PPP1R26: variants seen among roughly 807,000 people sequenced by gnomAD.
The protein encoded by PPP1R26 is protein phosphatase 1 regulatory subunit 26, also known as 1A6/DRIM (down-regulated in metastasis) interacting protein.
PPP1R26 carries 22 observed loss-of-function variants against 67.6 expected under a neutral mutation model. The ratio of observed to expected loss-of-function variants is 0.33; its 90% confidence interval spans 0.23 to 0.46. PPP1R26 has a LOEUF of 0.46. PPP1R26 is among the 20% of genes least tolerant of loss of function. PPP1R26 has a pLI of 1.00. For missense variants in PPP1R26, 1,602 were observed against 1,651.4 expected, an observed-to-expected ratio of 0.97 and a Z score of 0.52; for synonymous variants, 729 against 717.2, an observed-to-expected ratio of 1.02 and a Z score of -0.26.
Position 135,487,907 on chromosome 9 carries a change from C to G in PPP1R26, c.3397C>G (p.Pro1133Ala), listed in dbSNP as rs374355502. The G allele has an allele frequency of 1.3e-6, 2 of 1,575,298 alleles. No individual in the cohort carries two copies. The highest frequency in any genetic ancestry group is 3.7e-5 in the Admixed American group (2 of 54,074). ...QAGPSPVFGS[P>A]HLLAKKDGGP... is the part of the protein sequence containing the mutation. ...CGGACCCAGCCCTGTCTTTGGAAGC[C>G]CACACTTGCTGGCAAAGAAGGACGG... is the stretch of plus-strand genomic sequence containing the variant. Residue 1133 changes from proline (P) to alanine (A), a missense_variant, in exon 4 of 4, where the codon CCA becomes GCA. Around this residue, in one of 5 missense-constraint regions of PPP1R26, gnomAD observed 740 missense variants for 696.3 expected, o/e 1.06. Transcript: ENST00000356818.
intron 1 of PPP1R26, among the ~76,000 whole-genome samples, chr9:135,481,894 C>T (rs992660733): frequency 6.6e-6 from 1 of 152,272 alleles, no homozygotes; most frequent in Admixed American, 6.5e-5. Context: ...GCTGGGATTA[C>T]AGGCGTCAGC....
Position 135,486,496 on chromosome 9 carries a change from A to G in PPP1R26, c.1986A>G (p.Ser662=). The G allele has an allele frequency of 6.2e-7, 1 of 1,612,932 alleles. No homozygotes were observed. The highest frequency in any genetic ancestry group is 1.1e-5 in the South Asian group (1 of 91,038). Residue 662 remains serine (S), a synonymous_variant, in exon 4 of 4, where the codon TCA becomes TCG. Coordinates refer to ENST00000356818, the MANE Select transcript of PPP1R26 (RefSeq NM_014811.5). The surrounding 1 kb of genome is among the most constrained non-coding windows in gnomAD (Gnocchi z 6.2). Reference sequence around the variant, plus strand: ...GGGGCCCTGGCGACACTCGCATGTCACAGGGCCAGGGTAAGACAGACGAGG... The same window carrying G: ...GGGGCCCTGGCGACACTCGCATGTCGCAGGGCCAGGGTAAGACAGACGAGG... ...TARGPGDTRM[S]QGQGKTDEAR...
Position 135,485,943 on chromosome 9 carries a change from C to T in PPP1R26, c.1433C>T (p.Ser478Phe), listed in dbSNP as rs535176662. 1.2e-6 allele frequency: 2 copies of T among 1,613,488 alleles called. No homozygotes were observed. The highest frequency in any genetic ancestry group is 1.7e-5 in the Admixed American group (1 of 60,028). Residue 478 changes from serine (S) to phenylalanine (F), a missense_variant, in exon 4 of 4, where the codon TCT becomes TTT. This residue lies in a region of PPP1R26 where 680 missense variants were observed against 726.1 expected (regional missense o/e 0.94). Transcript: ENST00000356818. The surrounding 1 kb of genome is among the most constrained non-coding windows in gnomAD (Gnocchi z 7.2). ...CGGTCCTCGTGCCGGGCGGACACAT[C>T]TGCTGAGCTGATGTGTGCAGAAGCA... Reference protein sequence around the residue: ...VERSSCRADTSAELMCAEAIL... With the variant: ...VERSSCRADTFAELMCAEAIL...
chr9:135,484,852 A>T lies in PPP1R26; in HGVS notation c.342A>T (p.Thr114=), dbSNP rs1284375685. The change falls in exon 4 of 4, where the codon ACA becomes ACT. Residue 114 remains threonine (T), a synonymous_variant. Coordinates refer to ENST00000356818, the MANE Select transcript of PPP1R26 (RefSeq NM_014811.5). ...ACCCCATGGGGGAGGAGGAAACTACAGACTTTGGCCCGTTGGTGCTAGATT... is the reference window on the plus strand; with the variant it reads ...ACCCCATGGGGGAGGAGGAAACTACTGACTTTGGCCCGTTGGTGCTAGATT... ...DFDPMGEEET[T]DFGPLVLDSD... 2 of 1,609,578 alleles carry T rather than the reference A, an allele frequency of 1.2e-6. No homozygotes were observed.
rs969618175 is a variant in PPP1R26, at chr9:135,484,681, C to T, written c.171C>T (p.Asp57=). 2.5e-6 allele frequency: 4 copies of T among 1,609,870 alleles called. No individual in the cohort carries two copies. Among genetic ancestry groups the T allele is most frequent in the East Asian group, 2.2e-5 (1 of 44,860 alleles). The part of the protein sequence containing the change: ...VQMLISTLQR[D]GAARGTSDER... ...TGCTTATCAGCACTCTGCAGCGCGA[C>T]GGGGCTGCTCGGGGCACCAGCGATG... is the stretch of plus-strand genomic sequence containing the variant. The change falls in exon 4 of 4, where the codon GAC becomes GAT. Residue 57 remains aspartate, a synonymous_variant. Transcript: ENST00000356818.
chr9:135,487,676 G>A lies in PPP1R26; in HGVS notation c.3166G>A (p.Gly1056Arg), dbSNP rs201344514. 247 of 1,457,410 alleles carry A rather than the reference G, an allele frequency of 1.7e-4. 2 individuals carry two copies. The South Asian group carries it at 3.2e-3, about 19-fold the overall frequency. The allele number at this position is 1,457,410 out of a possible 1,614,324, so 90.3% of individuals were successfully genotyped here. The change falls in exon 4 of 4, where the codon GGG becomes AGG. Residue 1056 changes from glycine to arginine, a missense_variant. Around this residue, in one of 5 missense-constraint regions of PPP1R26, gnomAD observed 740 missense variants for 696.3 expected, o/e 1.06. Coordinates refer to ENST00000356818, the MANE Select transcript of PPP1R26 (RefSeq NM_014811.5). ...GRDAVWRGGV[G>R]SERDKGSEGP... is the part of the protein sequence containing the mutation. ...AGATGCAGTGTGGAGGGGGGGCGTC[G>A]GGAGCGAGAGAGACAAGGGGTCCGA... is the stretch of plus-strand genomic sequence containing the variant.
At position 135,486,650 on chromosome 9, in the gene PPP1R26, C is replaced by T; in HGVS notation, c.2140C>T (p.Pro714Ser). ...KRKLKKRCRE[P>S]RAACRKKVRF... ...AAAGCTCAAGAAGAGGTGCAGGGAG[C>T]CCAGGGCTGCGTGCAGGAAGAAGGT... Residue 714 changes from proline to serine, a missense_variant, in exon 4 of 4, where the codon CCC (proline) becomes TCC (serine). Transcript: ENST00000356818. The surrounding 1 kb of genome is among the most constrained non-coding windows in gnomAD (Gnocchi z 6.2). The T allele has an allele frequency of 6.2e-7, 1 of 1,610,468 alleles. No individual in the cohort carries two copies. The highest frequency in any genetic ancestry group is 8.5e-7 in the Non-Finnish European group (1 of 1,179,120).
chr9:135,487,524 G>A lies in PPP1R26; in HGVS notation c.3014G>A (p.Ser1005Asn), dbSNP rs1369761712. Residue 1005 changes from serine (S) to asparagine (N), a missense_variant, in exon 4 of 4, where the codon AGC (serine) becomes AAC (asparagine). Around this residue, in one of 5 missense-constraint regions of PPP1R26, gnomAD observed 740 missense variants for 696.3 expected, o/e 1.06. Transcript: ENST00000356818. ...GTFHMGCGSP[S>N]FLTPSPGAER... ...TTTCACATGGGCTGCGGGAGCCCGA[G>A]CTTCCTGACCCCCAGCCCGGGAGCG... 2.5e-6 allele frequency: 4 copies of A among 1,600,574 alleles called. No individual in the cohort carries two copies. Among genetic ancestry groups the A allele is most frequent in the South Asian group, 2.2e-5 (2 of 89,814 alleles).
Position 135,487,478 on chromosome 9 carries a change from G to T in PPP1R26, c.2968G>T (p.Ala990Ser). Reference sequence around the variant, plus strand: ...CAGCTGTGCCACAGCGGGCACCGAGGCAGGAGGCGCCAGAGGAACCTTTCA... The same window carrying T: ...CAGCTGTGCCACAGCGGGCACCGAGTCAGGAGGCGCCAGAGGAACCTTTCA... ...LPSCATAGTE[A>S]GGARGTFHMG... is the part of the protein sequence containing the mutation. The change falls in exon 4 of 4, where the codon GCA becomes TCA. Residue 990 changes from alanine (A) to serine (S), a missense_variant. Physicochemically the swap from Ala to Ser is moderately conservative, Grantham distance 99 (BLOSUM62 1). Around this residue, in one of 5 missense-constraint regions of PPP1R26, gnomAD observed 740 missense variants for 696.3 expected, o/e 1.06. Transcript: ENST00000356818. 2 of 1,610,634 alleles carry T rather than the reference G, an allele frequency of 1.2e-6. No individual in the cohort carries two copies. The highest frequency in any genetic ancestry group is 1.7e-6 in the Non-Finnish European group (2 of 1,179,730).
Position 135,488,134 on chromosome 9 carries a change from G to GTA in PPP1R26, c.3624_3625insTA (p.Val1209Ter). On this transcript the variant is annotated frameshift_variant, in exon 4 of 4. Coordinates refer to ENST00000356818, the MANE Select transcript of PPP1R26 (RefSeq NM_014811.5). LOFTEE classifies it high-confidence loss of function. Reference sequence around the variant, plus strand: ...ACAGTGGCGGCAGCTCAGTAGTGAAGGTCTAAGCCCTCGAGCTGTGGGTTC... The same window carrying GTA: ...ACAGTGGCGGCAGCTCAGTAGTGAAGTAGTCTAAGCCCTCGAGCTGTGGGTTC... The GTA allele has an allele frequency of 6.6e-7, 1 of 1,509,332 alleles. No homozygotes were observed. Among genetic ancestry groups the GTA allele is most frequent in the Non-Finnish European group, 8.9e-7 (1 of 1,129,822 alleles). The allele number at this position is 1,509,332 out of a possible 1,614,324, so 93.5% of individuals were successfully genotyped here.
upstream of PPP1R26, among the ~76,000 whole-genome samples, chr9:135,479,272 G>T (rs1246803864): frequency 6.6e-6 from 1 of 151,922 alleles, no homozygotes; most frequent in East Asian, 1.9e-4. The surrounding 1 kb of genome is among the most constrained non-coding windows in gnomAD (Gnocchi z 5.9). Flanking sequence ...CCGGCCCAAG[G>T]CTGTGGGGCT....
chr9:135,483,446 G>T (rs1256126719), intron 2 of PPP1R26: 1 of 152,530 alleles, frequency 6.6e-6, no homozygotes, highest in African/African-American at 2.4e-5. Flanking sequence ...CACTGCTGAG[G>T]TCCTGAGGGC....
Position 135,486,071 on chromosome 9 carries a change from T to G in PPP1R26, c.1561T>G (p.Ser521Ala). ...CTACTCCCCGAACGTGCCTTCCCGC[T>G]CTGACGGCGACAGTAGCTCCGTGGA... ...LFYSPNVPSR[S>A]DGDSSSVDSD... is the part of the protein sequence containing the mutation. The change falls in exon 4 of 4, where the codon TCT becomes GCT. Residue 521 changes from serine (S) to alanine (A), a missense_variant. Coordinates refer to ENST00000356818, the MANE Select transcript of PPP1R26 (RefSeq NM_014811.5). The surrounding 1 kb of genome is among the most constrained non-coding windows in gnomAD (Gnocchi z 6.2). 6.2e-7 allele frequency: 1 copy of G among 1,613,070 alleles called. No individual in the cohort carries two copies. Among genetic ancestry groups the G allele is most frequent in the Non-Finnish European group, 8.5e-7 (1 of 1,180,040 alleles).
intron 1 of PPP1R26, 83 bp from the exon 2 acceptor site, chr9:135,482,600 T>C (rs970904001): frequency 1.1e-4 from 42 of 397,206 alleles, no homozygotes; most frequent in South Asian, 4.0e-4. Context: ...AAGTTAATGA[T>C]ATTTCTTTCC....
chr9:135,485,736 G>T lies in PPP1R26; in HGVS notation c.1226G>T (p.Ser409Ile), dbSNP rs763517123. The T allele has an allele frequency of 6.2e-7, 1 of 1,610,394 alleles. No individual in the cohort carries two copies. Among genetic ancestry groups the T allele is most frequent in the African/African-American group, 1.3e-5 (1 of 74,876 alleles). ...GACCCTCCCGCACACAGCACAAGCA[G>T]TGCCACAAAAAGTGCCTTGCCCGAG... ...APDPPAHSTS[S>I]ATKSALPETH... Residue 409 changes from serine to isoleucine, a missense_variant, in exon 4 of 4, where the codon AGT becomes ATT. By Grantham distance (142) the Ser-to-Ile change is moderately radical. Around this residue, in one of 5 missense-constraint regions of PPP1R26, gnomAD observed 680 missense variants for 726.1 expected, o/e 0.94. Coordinates refer to ENST00000356818, the MANE Select transcript of PPP1R26 (RefSeq NM_014811.5). This position sits in a 1 kb window ranked among gnomAD's most constrained non-coding sequence, Gnocchi z 7.2.
rs1460410071 is a variant in PPP1R26, at chr9:135,485,445, C to T, written c.935C>T (p.Thr312Met). ...AGCCTCAGGTCCAAGGTCACAACCA[C>T]GCAGGAGAACGAGGGCAGCACGAAG... is the stretch of plus-strand genomic sequence containing the variant. ...PRSLRSKVTT[T>M]QENEGSTKPA... Residue 312 changes from threonine to methionine, a missense_variant, in exon 4 of 4, where the codon ACG (threonine) becomes ATG (methionine). By Grantham distance (81) the Thr-to-Met change is moderately conservative (BLOSUM62 -1). Around this residue, in one of 5 missense-constraint regions of PPP1R26, gnomAD observed 680 missense variants for 726.1 expected, o/e 0.94. Coordinates refer to ENST00000356818, the MANE Select transcript of PPP1R26 (RefSeq NM_014811.5). This position sits in a 1 kb window ranked among gnomAD's most constrained non-coding sequence, Gnocchi z 7.2. 10 of 1,612,944 alleles carry T rather than the reference C, an allele frequency of 6.2e-6. No individual in the cohort carries two copies. Among genetic ancestry groups the T allele is most frequent in the South Asian group, 1.1e-5 (1 of 91,076 alleles).
At chr9:135,479,459 G>A (rs1830433531), upstream of PPP1R26, among the ~76,000 whole-genome samples, 1 of 150,872 alleles carries the variant, frequency 6.6e-6, no homozygotes, top group Non-Finnish European at 1.5e-5. The surrounding 1 kb of genome is among the most constrained non-coding windows in gnomAD (Gnocchi z 5.9). Context: ...CCCCCCGGAG[G>A]TGGCCGCGGT....
Position 135,485,669 on chromosome 9 carries a change from G to A in PPP1R26, c.1159G>A (p.Asp387Asn), listed in dbSNP as rs764729869. The A allele has an allele frequency of 6.2e-7, 1 of 1,611,796 alleles. No homozygotes were observed. The highest frequency in any genetic ancestry group is 2.2e-5 in the East Asian group (1 of 44,874). Residue 387 changes from aspartate (D) to asparagine (N), a missense_variant, in exon 4 of 4, where the codon GAC (aspartate) becomes AAC (asparagine). Physicochemically the swap from Asp to Asn is conservative, Grantham distance 23. Around this residue, in one of 5 missense-constraint regions of PPP1R26, gnomAD observed 680 missense variants for 726.1 expected, o/e 0.94. Coordinates refer to ENST00000356818, the MANE Select transcript of PPP1R26 (RefSeq NM_014811.5). The surrounding 1 kb of genome is among the most constrained non-coding windows in gnomAD (Gnocchi z 7.2). ...LQKTRKEADG[D>N]LPQRVQLREE... ...GAAAACACGCAAGGAGGCCGACGGG[G>A]ACCTGCCCCAGAGGGTCCAACTCCG...
rs1830769726 is a variant in PPP1R26, at chr9:135,487,136, G to C, written c.2626G>C (p.Val876Leu). ...LGTGGPARPEVLCRKEPAPPP... is the reference protein window; with the variant it reads ...LGTGGPARPELLCRKEPAPPP... ...GACAGGGGGCCCAGCCAGGCCAGAGGTGCTGTGCAGGAAGGAGCCTGCCCC... is the reference window on the plus strand; with the variant it reads ...GACAGGGGGCCCAGCCAGGCCAGAGCTGCTGTGCAGGAAGGAGCCTGCCCC... Residue 876 changes from valine (V) to leucine (L), a missense_variant, in exon 4 of 4, where the codon GTG (valine) becomes CTG (leucine). Val to Leu is a conservative substitution (Grantham distance 32). Coordinates refer to ENST00000356818, the MANE Select transcript of PPP1R26 (RefSeq NM_014811.5). 6.2e-7 allele frequency: 1 copy of C among 1,609,556 alleles called. No homozygotes were observed. The highest frequency in any genetic ancestry group is 1.7e-5 in the Admixed American group (1 of 59,974).
Sources: allele counts gnomAD v4.1 joint callset (sites outside exome capture counted in the v4.1 genomes callset), GRCh38; gene constraint gnomAD v4.1.1; regional missense constraint gnomAD v4.1.1; non-coding constraint Gnocchi (gnomAD v3.1); transcripts MANE v1.5; gene names NCBI Gene and HGNC (gene_info 2026-07-23, HGNC 2026-07-21).